TAPBP: variants seen among roughly 807,000 people sequenced by gnomAD.
TAPBP encodes the protein TAP binding protein.
TAPBP carries 38 observed loss-of-function variants against 45.7 expected under a neutral mutation model. The observed-to-expected ratio is 0.83, with a 90% CI of 0.64 to 1.09. The LOEUF is 1.09. Among genes scored for constraint, TAPBP ranks in the 50% least tolerant of loss-of-function variants. The pLI is 0.00. For synonymous variants in TAPBP, 226 were observed against 254.8 expected (o/e 0.89, Z 1.08); for missense variants, 513 against 587.3 (o/e 0.87, Z 1.31).
chr6:33,313,149 G>A lies in TAPBP; in HGVS notation c.469+68C>T. The stretch of plus-strand genomic sequence containing the variant: ...GAAATGTCTTGCTCAAGTCCATAAA[G>A]CGAGACCACCGGCTGATCTGGACCC... On this transcript the variant is annotated intron_variant, in intron 3 of 7. Transcript: ENST00000434618. The surrounding 1 kb of genome is among the most constrained non-coding windows in gnomAD (Gnocchi z 7.2). The A allele has an allele frequency of 6.6e-7, 1 of 1,521,268 alleles. No individual in the cohort carries two copies. The highest frequency in any genetic ancestry group is 1.2e-5 in the South Asian group (1 of 80,034). 94.2% of individuals were successfully genotyped at this position (1,521,268 alleles called of 1,614,324 possible).
rs367615286 is a variant in TAPBP at position 33,305,574 on chromosome 6, G to C, written c.470-187C>G. Among the ~76,000 whole-genome samples the C allele has an allele frequency of 2.0e-5, 3 of 152,180 alleles. No individual in the cohort carries two copies. Among genetic ancestry groups the C allele is most frequent in the Admixed American group, 6.5e-5 (1 of 15,286 alleles). ...AACTCCTTTTGCTCTGCGACTGGGTGGCACCTAGTGTGGCTGAGGGTGAGC... is the reference window on the plus strand; with the variant it reads ...AACTCCTTTTGCTCTGCGACTGGGTCGCACCTAGTGTGGCTGAGGGTGAGC... On this transcript the variant is annotated intron_variant, in intron 3 of 7. Transcript: ENST00000434618. The surrounding 1 kb of genome is among the most constrained non-coding windows in gnomAD (Gnocchi z 4.4).
chr6:33,313,669 G>T lies in TAPBP; in HGVS notation c.208+25C>A, dbSNP rs549043802. The T allele has an allele frequency of 1.3e-6, 2 of 1,596,658 alleles. No individual in the cohort carries two copies. The highest frequency in any genetic ancestry group is 2.7e-5 in the African/African-American group (2 of 74,734). ...TTCGGTGGAGGCGACAGAGGTAGGG[G>T]GGCGGCGAGTCCCTAGAGACTCACC... On this transcript the variant is annotated intron_variant, in intron 2 of 7. Transcript: ENST00000434618. The surrounding 1 kb of genome is among the most constrained non-coding windows in gnomAD (Gnocchi z 7.2).
chr6:33,305,301 G>T lies in TAPBP; in HGVS notation c.556C>A (p.Pro186Thr), dbSNP rs145952108. ...GATGAGGCGGCCTCGGAGGTGGGGGGCATGTAGGCAAAGCTCAAGTCCAGC... is the reference window on the plus strand; with the variant it reads ...GATGAGGCGGCCTCGGAGGTGGGGGTCATGTAGGCAAAGCTCAAGTCCAGC... The part of the protein sequence containing the change: ...ALLDLSFAYM[P>T]PTSEAASSLA... The change falls in exon 4 of 8, where the codon CCC (proline) becomes ACC (threonine). Residue 186 changes from proline (P) to threonine (T), a missense_variant. Transcript: ENST00000434618. The surrounding 1 kb of genome is among the most constrained non-coding windows in gnomAD (Gnocchi z 4.4). 6.4e-7 allele frequency: 1 copy of T among 1,572,162 alleles called. No individual in the cohort carries two copies. Among genetic ancestry groups the T allele is most frequent in the East Asian group, 2.2e-5 (1 of 44,638 alleles).
At position 33,309,475 on chromosome 6, in the gene TAPBP, G is replaced by A. The variant is rs1473569926; in HGVS notation, c.469+3742C>T. Reference sequence around the variant, plus strand: ...TCCCAGTACCTTGGGAGGCTGAGGTGGGAGGATCACTTGAACCCAGCAGTT... The same window carrying A: ...TCCCAGTACCTTGGGAGGCTGAGGTAGGAGGATCACTTGAACCCAGCAGTT... On this transcript the variant is annotated intron_variant, in intron 3 of 7. Coordinates refer to ENST00000434618, the MANE Select transcript of TAPBP (RefSeq NM_003190.5). 5.9e-5 allele frequency among the ~76,000 whole-genome samples: 9 copies of A among 152,026 alleles called. No individual in the cohort carries two copies. In the East Asian group the frequency reaches 1.2e-3, roughly 20 times the overall value.
In TAPBP at chr6:33,304,493, G is replaced by A. The variant is rs749398191; in HGVS notation, c.1014C>T (p.Gly338=). The A allele has an allele frequency of 5.0e-5, 80 of 1,612,924 alleles. No individual in the cohort carries two copies. The highest frequency in any genetic ancestry group is 1.6e-4 in the Middle Eastern group (1 of 6,076). ...TCTGCCCCTCGGCCTTCTGAGAGCG[G>A]CCCCCTGGGCCACCCCGGAGTTCCC... The part of the protein sequence containing the change: ...VEWELRGGPG[G]RSQKAEGQRW... Residue 338 remains glycine, a synonymous_variant, in exon 5 of 8, where the codon GGC becomes GGT. Coordinates refer to ENST00000434618, the MANE Select transcript of TAPBP (RefSeq NM_003190.5).
rs138350925 is a variant in TAPBP, at chr6:33,311,324, A to T, written c.469+1893T>A. On this transcript the variant is annotated intron_variant, in intron 3 of 7. Coordinates refer to ENST00000434618, the MANE Select transcript of TAPBP (RefSeq NM_003190.5). The stretch of plus-strand genomic sequence containing the variant: ...GCAATAAGAGGGAGACTCCGTCTCA[A>T]AAATAAATAAATAAATAAATAGCAG... 1.5e-3 allele frequency among the ~76,000 whole-genome samples: 223 copies of T among 152,224 alleles called. 2 individuals are homozygous for T. The highest frequency in any genetic ancestry group is 0.012 in the Admixed American group (180 of 15,278).
At chr6:33,304,849 C>T (rs1800837) in intron 4 of TAPBP, 140 bp downstream of exon 4, 265,584 of 1,381,206 alleles carry the variant, frequency 0.19, 27,352 homozygotes, top group South Asian at 0.29. Flanking sequence ...CCTCCCATTA[C>T]CCCTCTAACT....
In TAPBP at chr6:33,302,439, C is replaced by T. The variant is rs188045256; in HGVS notation, c.1336-668G>A. 5.3e-5 allele frequency among the ~76,000 whole-genome samples: 8 copies of T among 152,084 alleles called. 1 individual carries two copies. The East Asian group carries it at 1.5e-3, about 29-fold the overall frequency. ...TCCCAGGTTCAAGCAATTCTCCTGC[C>T]TCAGCCTCCTGAGTAGCTGAGATTA... On this transcript the variant is annotated intron_variant, in intron 7 of 7. Coordinates refer to ENST00000434618, the MANE Select transcript of TAPBP (RefSeq NM_003190.5).
rs762326483 is a variant in TAPBP, at chr6:33,308,490, C to G, written c.470-3103G>C. ...CCTAACCCACCCTTCCAGGCTTCTC[C>G]TGCACCCTACAAACCAGCCACATAG... On this transcript the variant is annotated intron_variant, in intron 3 of 7. Coordinates refer to ENST00000434618, the MANE Select transcript of TAPBP (RefSeq NM_003190.5). 4.0e-4 allele frequency among the ~76,000 whole-genome samples: 61 copies of G among 152,308 alleles called. 2 individuals are homozygous for G. Among genetic ancestry groups the G allele is most frequent in the Non-Finnish European group, 1.6e-4 (11 of 68,026 alleles).
intron 3 of TAPBP, among the ~76,000 whole-genome samples, chr6:33,309,597 CTCT>C (rs1769201288): frequency 1.0e-5 from 1 of 95,414 alleles, no homozygotes; most frequent in Non-Finnish European, 1.9e-5. Context: ...TACAGTTTAA[CTCT>C]TTTTTTTTTT....
At chr6:33,309,720 CTTTT>C (rs141940039) in intron 3 of TAPBP, among the ~76,000 whole-genome samples, 3 of 46,804 alleles carry the variant, frequency 6.4e-5, no homozygotes, top group Non-Finnish European at 7.1e-5. Context: ...GACACCCAAC[CTTTT>C]TTTTTTTTTT....
intron 3 of TAPBP, among the ~76,000 whole-genome samples, chr6:33,312,471 C>A (rs1365482786): frequency 2.0e-5 from 3 of 152,188 alleles, no homozygotes; most frequent in Admixed American, 6.5e-5. Context: ...AGGGAGAGCT[C>A]CCAGATATCC....
At chr6:33,304,781 T>C (rs1768849292) in intron 4 of TAPBP, 143 bp from the exon 5 acceptor site, 1 of 1,251,758 alleles carries the variant, frequency 8.0e-7, no homozygotes. Context: ...TGTCTCTCCA[T>C]TGGTGCGTCA....
In TAPBP at chr6:33,305,419, G is replaced by A; in HGVS notation, c.470-32C>T. On this transcript the variant is annotated intron_variant, in intron 3 of 7. Coordinates refer to ENST00000434618, the MANE Select transcript of TAPBP (RefSeq NM_003190.5). The surrounding 1 kb of genome is among the most constrained non-coding windows in gnomAD (Gnocchi z 4.4). ...AAGACAGGGAGATGAGGGGTTGGGA[G>A]GGGCATGAGGGAGAGAAAGAAGGAG... 6.7e-7 allele frequency: 1 copy of A among 1,497,312 alleles called. No individual in the cohort carries two copies. Among genetic ancestry groups the A allele is most frequent in the Non-Finnish European group, 8.9e-7 (1 of 1,124,468 alleles). The allele number at this position is 1,497,312 out of a possible 1,614,324, so 92.8% of individuals were successfully genotyped here.
chr6:33,301,639 C>A lies in TAPBP; in HGVS notation c.*121G>T. 2 of 829,296 alleles carry A rather than the reference C, an allele frequency of 2.4e-6. No individual in the cohort carries two copies. Among genetic ancestry groups the A allele is most frequent in the South Asian group, 1.7e-5 (1 of 60,152 alleles). 51.4% of individuals were successfully genotyped at this position (829,296 alleles called of 1,614,324 possible). A position where few individuals can be genotyped will look rare whatever the true frequency, so the allele number is the denominator to read the frequency against. On this transcript the variant is annotated 3_prime_UTR_variant, in exon 8 of 8. Transcript: ENST00000434618. ...AAAGAAAAAAAAAAAAGCATTCCAG[C>A]CACTCAGTGGAGAGAGATTGGAGGG...
chr6:33,307,335 C>T (rs1466863706), intron 3 of TAPBP, among the ~76,000 whole-genome samples: 1 of 150,378 alleles, frequency 6.6e-6, no homozygotes, highest in Non-Finnish European at 1.5e-5. Context: ...CCTAGGAAGT[C>T]AGCTGATAAA....
intron 3 of TAPBP, among the ~76,000 whole-genome samples, chr6:33,307,936 T>C (rs1453622430): frequency 6.6e-6 from 1 of 152,184 alleles, no homozygotes; most frequent in Non-Finnish European, 1.5e-5. Context: ...TATCATGGAC[T>C]TGCTGGTTAA....
rs1581732539 is a variant in TAPBP at position 33,300,831 on chromosome 6, T to A, written c.*929A>T. On this transcript the variant is annotated 3_prime_UTR_variant, in exon 8 of 8. Transcript: ENST00000434618. ...AATACAAAATATTAGCCAGGCATGGTGGAGGACGCCTGTAGTCCGAGCTAC... is the reference window on the plus strand; with the variant it reads ...AATACAAAATATTAGCCAGGCATGGAGGAGGACGCCTGTAGTCCGAGCTAC... 1 of 151,098 alleles carries A rather than the reference T, an allele frequency of 6.6e-6. No individual in the cohort carries two copies. Among genetic ancestry groups the A allele is most frequent in the South Asian group, 2.1e-4 (1 of 4,788 alleles). 9.4% of individuals were successfully genotyped at this position (151,098 alleles called of 1,614,324 possible). A position where few individuals can be genotyped will look rare whatever the true frequency, so the allele number is the denominator to read the frequency against.
At position 33,313,205 on chromosome 6, in the gene TAPBP, C is replaced by T. The variant is rs778876333; in HGVS notation, c.469+12G>A. On this transcript the variant is annotated intron_variant, in intron 3 of 7. Transcript: ENST00000434618. This position sits in a 1 kb window ranked among gnomAD's most constrained non-coding sequence, Gnocchi z 7.2. Reference sequence around the variant, plus strand: ...ATCTACCCACCCTTCTCCACCTCCCCTCCCCAGCTACCTGTTGCCATGGTG... The same window carrying T: ...ATCTACCCACCCTTCTCCACCTCCCTTCCCCAGCTACCTGTTGCCATGGTG... 6.3e-7 allele frequency: 1 copy of T among 1,599,394 alleles called. No individual in the cohort carries two copies. The highest frequency in any genetic ancestry group is 8.6e-7 in the Non-Finnish European group (1 of 1,168,520).
Sources: gnomAD v4.1 joint callset for allele counts (sites outside exome capture counted in the v4.1 genomes callset) on GRCh38, gnomAD v4.1.1 for gene constraint, Gnocchi (gnomAD v3.1) non-coding constraint, MANE v1.5 for transcripts, NCBI Gene and HGNC (gene_info 2026-07-23, HGNC 2026-07-21) for gene names.